The following NCAM2 variants were observed in gnomAD, a reference collection of about 807,000 sequenced individuals.
NCAM2 encodes the protein neural cell adhesion molecule 2, also known as N-CAM-2.
In NCAM2, 30 loss-of-function variants were observed where a neutral mutation model predicts 98.1. The observed-to-expected ratio is 0.31, with a 90% CI of 0.23 to 0.41. The LOEUF is 0.41. Ranked by LOEUF, NCAM2 falls within the 10% of genes least tolerant of loss-of-function variation. The probability of loss-of-function intolerance (pLI) is 1.00; values close to 1 mark genes in which losing one functional copy is unlikely to be tolerated. For missense variants in NCAM2, 867 were observed against 1,005.8 expected, an observed-to-expected ratio of 0.86 and a Z score of 1.87; for synonymous variants, 368 against 342.4, an observed-to-expected ratio of 1.07 and a Z score of -0.83.
intron 1 of NCAM2, among the ~76,000 whole-genome samples, chr21:21,246,175 G>A (rs2071263959): frequency 6.6e-6 from 1 of 152,148 alleles, no homozygotes; most frequent in Non-Finnish European, 1.5e-5. Flanking sequence ...AGCCCATGAA[G>A]AGTCTCATGG....
At chr21:21,426,177 A>G (rs1203641778) in intron 11 of NCAM2, among the ~76,000 whole-genome samples, 2 of 152,188 alleles carry the variant, frequency 1.3e-5, no homozygotes, top group Non-Finnish European at 2.9e-5. Context: ...TTCAACATAT[A>G]AAATGTGGAG....
At chr21:21,365,751 A>G (rs1187181490) in intron 8 of NCAM2, among the ~76,000 whole-genome samples, 3 of 152,056 alleles carry the variant, frequency 2.0e-5, no homozygotes, top group Non-Finnish European at 4.4e-5. Flanking sequence ...AATTGTATAT[A>G]TTGAAAAAAC....
intron 1 of NCAM2, among the ~76,000 whole-genome samples, chr21:21,088,970 C>CAAGAAAAA (rs769220357): frequency 7.2e-6 from 1 of 138,778 alleles, no homozygotes; most frequent in Non-Finnish European, 1.6e-5. Context: ...AACTCTGTCT[C>CAAGAAAAA]AAAAAAAAAA....
chr21:21,383,580 C>T (rs1569002643), intron 9 of NCAM2, among the ~76,000 whole-genome samples: 1 of 152,026 alleles, frequency 6.6e-6, no homozygotes, highest in Non-Finnish European at 1.5e-5. Context: ...CTCTTGAGAA[C>T]CCTTGGATAG....
At chr21:21,151,665 G>T (rs2067452273) in intron 1 of NCAM2, among the ~76,000 whole-genome samples, 2 of 151,934 alleles carry the variant, frequency 1.3e-5, no homozygotes, top group African/African-American at 4.8e-5. Context: ...TATTTGAAAT[G>T]ACCTCCGTTA....
chr21:21,209,796 A>C (rs1311310077), intron 1 of NCAM2, among the ~76,000 whole-genome samples: 1 of 152,216 alleles, frequency 6.6e-6, no homozygotes, highest in East Asian at 1.9e-4. Context: ...GAGAAGAAGA[A>C]ACAGTGGCAG....
chr21:21,101,922 A>ATATGTGCTAAC (rs1411868859), intron 1 of NCAM2, among the ~76,000 whole-genome samples: 14 of 152,172 alleles, frequency 9.2e-5, no homozygotes, highest in East Asian at 7.7e-4. Flanking sequence ...TCCAGCTCTC[A>ATATGTGCTAAC]CTGTCTTTGG....
chr21:21,444,885 A>C (rs1052677428), intron 12 of NCAM2, among the ~76,000 whole-genome samples: 9 of 151,616 alleles, frequency 5.9e-5, no homozygotes, highest in African/African-American at 2.2e-4. Context: ...CTTTGTGGTT[A>C]GTTTGCTCTT....
intron 1 of NCAM2, among the ~76,000 whole-genome samples, chr21:21,263,627 CA>C (rs1360389956): frequency 6.6e-6 from 1 of 151,958 alleles, no homozygotes; most frequent in Non-Finnish European, 1.5e-5. Context: ...GAATATATAA[CA>C]AAAACAGCAT....
At chr21:21,056,861 G>A (rs527768142) in intron 1 of NCAM2, among the ~76,000 whole-genome samples, 28 of 152,112 alleles carry the variant, frequency 1.8e-4, no homozygotes, top group African/African-American at 6.3e-4. Context: ...TAATTGGAGC[G>A]AGAATCATGT....
At chr21:21,475,626 C>T (rs1167446721) in intron 14 of NCAM2, among the ~76,000 whole-genome samples, 2 of 152,122 alleles carry the variant, frequency 1.3e-5, no homozygotes, top group East Asian at 1.9e-4. Flanking sequence ...GTTATTCCAT[C>T]GTTCATACAT....
intron 1 of NCAM2, among the ~76,000 whole-genome samples, chr21:21,039,125 T>A (rs1218049781): frequency 6.6e-6 from 1 of 152,180 alleles, no homozygotes; most frequent in Admixed American, 6.6e-5. Flanking sequence ...AACAGGCCCA[T>A]TTTTATAAAC....
intron 12 of NCAM2, among the ~76,000 whole-genome samples, chr21:21,434,255 T>G (rs2077419045): frequency 6.6e-6 from 1 of 152,240 alleles, no homozygotes. Context: ...TGGTATATTA[T>G]GAAGATACAA....
At chr21:21,528,104 T>A (rs551129144) in intron 16 of NCAM2, among the ~76,000 whole-genome samples, 8 of 152,308 alleles carry the variant, frequency 5.3e-5, no homozygotes, top group African/African-American at 1.9e-4. Context: ...AAAGACTACC[T>A]ACTTTATAAT....
chr21:21,476,834 G>C (rs1985229712), intron 14 of NCAM2, among the ~76,000 whole-genome samples: 1 of 151,794 alleles, frequency 6.6e-6, no homozygotes. Context: ...TTCATATCCA[G>C]ACTTTATTTC....
chr21:21,507,809 A>T (rs1407127275), intron 15 of NCAM2, among the ~76,000 whole-genome samples: 1 of 146,814 alleles, frequency 6.8e-6, no homozygotes, highest in East Asian at 2.0e-4. Flanking sequence ...AAAAAAAAAG[A>T]CTAAACTGTT....
intron 5 of NCAM2, among the ~76,000 whole-genome samples, chr21:21,298,947 G>A (rs969130): frequency 0.74 from 110,245 of 149,460 alleles, 40,730 homozygotes; most frequent in South Asian, 0.82. Flanking sequence ...TTGATTAGGG[G>A]CTGACCTTTG....
intron 1 of NCAM2, among the ~76,000 whole-genome samples, chr21:21,193,492 C>CTT (rs768928139): frequency 3.9e-3 from 485 of 123,716 alleles, no homozygotes; most frequent in Non-Finnish European, 5.8e-3. Flanking sequence ...AGTACTTTTC[C>CTT]TTTTTTTTTT....
Position 21,199,796 on chromosome 21 carries a change from G to T in NCAM2, c.56-80782G>T, listed in dbSNP as rs553836913. Among the ~76,000 whole-genome samples, 69 of 152,048 alleles carry T rather than the reference G, an allele frequency of 4.5e-4. 1 individual carries two copies. The highest frequency in any genetic ancestry group is 1.5e-3 in the African/African-American group (63 of 41,470). ...AGTTTTGTTGTCCTGTTCTATAATC[G>T]TATGGCATTCTTATACTTATGAATG... On this transcript the variant is annotated intron_variant, in intron 1 of 17. Coordinates refer to ENST00000400546, the MANE Select transcript of NCAM2 (RefSeq NM_004540.5).
Sources: allele counts gnomAD v4.1 joint callset (sites outside exome capture counted in the v4.1 genomes callset), GRCh38; gene constraint gnomAD v4.1.1; transcripts MANE v1.5; gene names NCBI Gene and HGNC (gene_info 2026-07-23, HGNC 2026-07-21).